The following ATP9B variants were observed in gnomAD, a reference collection of about 807,000 sequenced individuals.
ATP9B encodes the protein probable phospholipid-transporting ATPase IIB.
A neutral mutation model predicts 146.1 loss-of-function variants in ATP9B; 110 were observed. The observed-to-expected ratio is 0.75, with a 90% CI of 0.65 to 0.88. ATP9B has a LOEUF of 0.88. Among genes scored for constraint, ATP9B ranks in the 40% least tolerant of loss-of-function variants. ATP9B has a pLI of 0.00. For synonymous variants in ATP9B, 604 were observed against 569.7 expected (o/e 1.06, Z -0.86); for missense variants, 1,499 against 1,496.4 (o/e 1.00, Z -0.03).
chr18:79,289,998 T>C (rs754034619), intron 13 of ATP9B, among the ~76,000 whole-genome samples: 9 of 152,050 alleles, frequency 5.9e-5, no homozygotes, highest in Non-Finnish European at 1.0e-4. Flanking sequence ...AGTACCCGGC[T>C]GTGTGAGGTG....
At chr18:79,310,467 C>T (rs140411453) in intron 15 of ATP9B, among the ~76,000 whole-genome samples, 15 of 152,306 alleles carry the variant, frequency 9.8e-5, no homozygotes, top group Admixed American at 1.3e-4. Context: ...CAGAGCTGAC[C>T]AAGGGTGGCA....
At chr18:79,288,343 G>C (rs549629822) in intron 13 of ATP9B, among the ~76,000 whole-genome samples, 3 of 152,246 alleles carry the variant, frequency 2.0e-5, no homozygotes, top group South Asian at 2.1e-4. Flanking sequence ...AGCTCTTCTT[G>C]TTGACTTGAT....
chr18:79,178,963 T>C (rs1166147681), intron 8 of ATP9B, among the ~76,000 whole-genome samples: 1 of 152,212 alleles, frequency 6.6e-6, no homozygotes, highest in Non-Finnish European at 1.5e-5. Flanking sequence ...GTTGAACAAA[T>C]TCACTTTTGG....
intron 8 of ATP9B, among the ~76,000 whole-genome samples, chr18:79,180,479 T>C (rs2095238133): frequency 6.6e-6 from 1 of 152,238 alleles, no homozygotes; most frequent in South Asian, 2.1e-4. Flanking sequence ...ATGGCTTCCT[T>C]CCCATCCTTT....
intron 15 of ATP9B, among the ~76,000 whole-genome samples, chr18:79,327,537 G>C (rs112573863): frequency 7.6e-6 from 1 of 131,644 alleles, no homozygotes; most frequent in East Asian, 2.0e-4. Context: ...TCCGTGGTTA[G>C]CGTGCTCTCC....
chr18:79,256,578 A>G (rs2096083495), intron 12 of ATP9B, among the ~76,000 whole-genome samples: 1 of 151,060 alleles, frequency 6.6e-6, no homozygotes, highest in African/African-American at 2.4e-5. Flanking sequence ...CTATATTTCT[A>G]TTATTGTGGT....
In ATP9B at chr18:79,294,186, G is replaced by T. The variant is rs1051775494; in HGVS notation, c.1412-9418G>T. The stretch of plus-strand genomic sequence containing the variant: ...GTAACTTTGTTTTTGGAAAACATCT[G>T]TTGTCCATGTGGATTTTTTGCATTT... On this transcript the variant is annotated intron_variant, in intron 13 of 29. Coordinates refer to ENST00000426216, the MANE Select transcript of ATP9B (RefSeq NM_198531.5). 2.0e-5 allele frequency among the ~76,000 whole-genome samples: 3 copies of T among 152,252 alleles called. No individual in the cohort carries two copies. In the East Asian group the frequency reaches 5.8e-4, roughly 29 times the overall value.
intron 5 of ATP9B, among the ~76,000 whole-genome samples, chr18:79,139,059 T>C (rs1448817209): frequency 6.6e-6 from 1 of 152,182 alleles, no homozygotes; most frequent in African/African-American, 2.4e-5. Flanking sequence ...CAGAAAATAA[T>C]TTAAAAAGTT....
intron 13 of ATP9B, among the ~76,000 whole-genome samples, chr18:79,281,083 A>G (rs28655918): frequency 0.12 from 17,771 of 152,272 alleles, 1,122 homozygotes; most frequent in East Asian, 0.18. Flanking sequence ...AAATACAAGG[A>G]AAGAAGATAC....
intron 1 of ATP9B, among the ~76,000 whole-genome samples, chr18:79,089,169 C>A (rs978567283): frequency 1.3e-5 from 2 of 151,918 alleles, no homozygotes. Context: ...GTATACTGCT[C>A]GGGAGATGGG....
At chr18:79,354,735 G>C (rs2096941402) in intron 25 of ATP9B, among the ~76,000 whole-genome samples, 1 of 151,148 alleles carries the variant, frequency 6.6e-6, no homozygotes. Flanking sequence ...AGGGGGCAAG[G>C]GGCGAGGCGG....
At chr18:79,356,544 C>T (rs2096954410) in intron 25 of ATP9B, among the ~76,000 whole-genome samples, 1 of 152,200 alleles carries the variant, frequency 6.6e-6, no homozygotes, top group African/African-American at 2.4e-5. Context: ...TAGTAGTCAG[C>T]AATAGAAAGA....
chr18:79,176,803 TA>T lies in ATP9B; in HGVS notation c.779-9del, dbSNP rs1196035917. On this transcript the variant is annotated splice_polypyrimidine_tract_variant and intron_variant, in intron 7 of 29. Transcript: ENST00000426216. The stretch of plus-strand genomic sequence containing the variant: ...TCAAGAGTGGTAAATTTTTATTCTC[TA>T]CTTCCAAGGTTCGTGTTTTATTCGA... The T allele has an allele frequency of 5.0e-6, 8 of 1,612,968 alleles. No individual in the cohort carries two copies. The highest frequency in any genetic ancestry group is 5.1e-6 in the Non-Finnish European group (6 of 1,179,012).
Position 79,374,080 on chromosome 18 carries a change from G to C in ATP9B, c.3253G>C (p.Ala1085Pro). 6.2e-7 allele frequency: 1 copy of C among 1,614,114 alleles called. No individual in the cohort carries two copies. The highest frequency in any genetic ancestry group is 8.5e-7 in the Non-Finnish European group (1 of 1,179,992). ...CTTAGGCTGCTACGTGTCCTCACTC[G>C]CTTTTCTCAATGAATATTTTGGTAA... is the stretch of plus-strand genomic sequence containing the variant. Reference protein sequence around the residue: ...LSLGCYVSSLAFLNEYFGIGR... With the variant: ...LSLGCYVSSLPFLNEYFGIGR... The change falls in exon 28 of 30, where the codon GCT becomes CCT. Residue 1085 changes from alanine to proline, a missense_variant. Physicochemically the swap from Ala to Pro is conservative, Grantham distance 27 (BLOSUM62 -1). Transcript: ENST00000426216.
intron 12 of ATP9B, among the ~76,000 whole-genome samples, chr18:79,257,015 C>T (rs9304051): frequency 0.36 from 55,175 of 152,084 alleles, 11,010 homozygotes; most frequent in African/African-American, 0.54. Context: ...TGCTTTTTAT[C>T]TTGGCCGGGC....
intron 2 of ATP9B, among the ~76,000 whole-genome samples, chr18:79,108,210 C>A (rs1187388101): frequency 6.6e-6 from 1 of 152,060 alleles, no homozygotes; most frequent in African/African-American, 2.4e-5. Flanking sequence ...GGGAAGGAGG[C>A]ATGTGAGAGT....
rs759575257 is a variant in ATP9B at position 79,110,358 on chromosome 18, C to T, written c.297C>T (p.Cys99=). The T allele has an allele frequency of 5.8e-5, 93 of 1,592,096 alleles. No individual in the cohort carries two copies. Among genetic ancestry groups the T allele is most frequent in the Middle Eastern group, 1.7e-4 (1 of 5,938 alleles). ...CDGWKFLCTS[C]CGWLINICRR... ...ACGTATCTTTTGTTTCATACAGTTGCTGTGGTTGGCTGATAAATATTTGTC... is the reference window on the plus strand; with the variant it reads ...ACGTATCTTTTGTTTCATACAGTTGTTGTGGTTGGCTGATAAATATTTGTC... The change falls in exon 3 of 30, where the codon TGC becomes TGT. Residue 99 remains cysteine (C), a synonymous_variant. Coordinates refer to ENST00000426216, the MANE Select transcript of ATP9B (RefSeq NM_198531.5).
intron 13 of ATP9B, among the ~76,000 whole-genome samples, chr18:79,299,119 C>A (rs548108998): frequency 1.3e-5 from 2 of 151,882 alleles, no homozygotes; most frequent in Non-Finnish European, 2.9e-5. Context: ...TTCTTTCCCC[C>A]ACATTTGACC....
intron 19 of ATP9B, among the ~76,000 whole-genome samples, chr18:79,339,116 G>A (rs1332173097): frequency 2.0e-5 from 3 of 151,554 alleles, no homozygotes; most frequent in Non-Finnish European, 2.9e-5. Context: ...AGTAGGAAGT[G>A]TGCCATGATC....
Sources: allele counts gnomAD v4.1 joint callset (sites outside exome capture counted in the v4.1 genomes callset), GRCh38; gene constraint gnomAD v4.1.1; transcripts MANE v1.5; gene names NCBI Gene and HGNC (gene_info 2026-07-23, HGNC 2026-07-21).